Variants in DAGLB observed in about 807,000 individuals in gnomAD.
DAGLB encodes the protein diacylglycerol lipase-beta.
In DAGLB, 66 loss-of-function variants were observed where a neutral mutation model predicts 72.1. That is an observed-to-expected ratio of 0.92 (90% CI 0.75 to 1.12). The LOEUF (loss-of-function observed/expected upper bound fraction) is 1.12. Ranked by LOEUF, DAGLB falls within the 50% of genes most tolerant of loss-of-function variation. The pLI is 0.00. For synonymous variants in DAGLB, 414 were observed against 359.5 expected, an observed-to-expected ratio of 1.15 and a Z score of -1.71; for missense variants, 1,065 against 884.9, an observed-to-expected ratio of 1.20 and a Z score of -2.58.
Position 6,430,736 on chromosome 7 carries a change from C to T in DAGLB, c.802-129G>A, listed in dbSNP as rs949792533. ...TCCTTCGTTGAATAGAACTCTCAGA[C>T]GCCCACAGGCAAAACTGCTCCTTCA... On this transcript the variant is annotated intron_variant, in intron 5 of 14. Coordinates refer to ENST00000297056, the MANE Select transcript of DAGLB (RefSeq NM_139179.4). The T allele has an allele frequency of 4.2e-5, 46 of 1,082,562 alleles. No homozygotes were observed. In the South Asian group the frequency reaches 7.9e-4, roughly 19 times the overall value. The allele number at this position is 1,082,562 out of a possible 1,614,324, so 67.1% of individuals were successfully genotyped here.
chr7:6,435,753 G>A (rs935662541), intron 3 of DAGLB, among the ~76,000 whole-genome samples: 2 of 152,134 alleles, frequency 1.3e-5, no homozygotes, highest in African/African-American at 2.4e-5. Flanking sequence ...ACTGCAAGAC[G>A]CCGGATTGAG....
intron 6 of DAGLB, among the ~76,000 whole-genome samples, 180 bp downstream of exon 6, chr7:6,430,300 A>C (rs1455791140): frequency 4.4e-5 from 4 of 91,906 alleles, no homozygotes; most frequent in African/African-American, 1.7e-4. Context: ...GGAGGGAGGG[A>C]GGGAGAGAGA....
Position 6,424,849 on chromosome 7 carries a change from A to C in DAGLB, c.1057-14T>G. On this transcript the variant is annotated splice_polypyrimidine_tract_variant and intron_variant, in intron 7 of 14. Coordinates refer to ENST00000297056, the MANE Select transcript of DAGLB (RefSeq NM_139179.4). ...CAGCTCGTAAACCTGCAGGAGCAAG[A>C]AACAAGCATGGGGCCTAAACAGTGA... The C allele has an allele frequency of 6.2e-7, 1 of 1,613,198 alleles. No individual in the cohort carries two copies.
In DAGLB at chr7:6,412,747, C is replaced by T. The variant is rs374606875; in HGVS notation, c.1569+64G>A. The T allele has an allele frequency of 3.1e-5, 48 of 1,536,524 alleles. No individual in the cohort carries two copies. In the African/African-American group the frequency reaches 5.9e-4, roughly 19 times the overall value. ...ACTGAGGGTGCAATTCCTCCCGGCT[C>T]TCCACAGGATCTCAGGGACAGGCCC... On this transcript the variant is annotated intron_variant, in intron 13 of 14. Coordinates refer to ENST00000297056, the MANE Select transcript of DAGLB (RefSeq NM_139179.4).
chr7:6,410,068 G>A lies in DAGLB; in HGVS notation c.1821-33C>T, dbSNP rs749727716. 68 of 1,598,596 alleles carry A rather than the reference G, an allele frequency of 4.3e-5. 1 individual carries two copies. The highest frequency in any genetic ancestry group is 3.7e-4 in the South Asian group (33 of 88,062). On this transcript the variant is annotated intron_variant, in intron 14 of 14. Transcript: ENST00000297056. The stretch of plus-strand genomic sequence containing the variant: ...AGAAAAGGAGAGACAGCTCCCACGC[G>A]GCCCCAGGGCTGACCCCGCGCTGCT...
rs1384599498 is a variant in DAGLB, at chr7:6,422,331, G to A, written c.1141-527C>T. Reference sequence around the variant, plus strand: ...TGTTGTGAAAGCAGAGAGGACAGGCGGCGTCCTCCCAACAGGGGCAGCAGG... The same window carrying A: ...TGTTGTGAAAGCAGAGAGGACAGGCAGCGTCCTCCCAACAGGGGCAGCAGG... On this transcript the variant is annotated intron_variant, in intron 8 of 14. Coordinates refer to ENST00000297056, the MANE Select transcript of DAGLB (RefSeq NM_139179.4). 18 of 262,752 alleles carry A rather than the reference G, an allele frequency of 6.9e-5. No individual in the cohort carries two copies. The South Asian group carries it at 6.9e-4, about 10-fold the overall frequency. 16.3% of individuals were successfully genotyped at this position (262,752 alleles called of 1,614,324 possible).
At chr7:6,426,245 A>G (rs1047984971) in intron 6 of DAGLB, 131 bp from the exon 7 acceptor site, 13 of 1,331,210 alleles carry the variant, frequency 9.8e-6, no homozygotes, top group South Asian at 9.4e-5. Context: ...CCTGGCTGAC[A>G]TGGAATGGCT....
At chr7:6,430,709 G>A (rs2115273906) in intron 5 of DAGLB, 102 bp from the exon 6 acceptor site, 2 of 1,270,262 alleles carry the variant, frequency 1.6e-6, no homozygotes. Context: ...GACTCTTCCT[G>A]CTCCTTCGTT....
Position 6,409,565 on chromosome 7 carries a change from C to T in DAGLB, c.*272G>A. On this transcript the variant is annotated 3_prime_UTR_variant, in exon 15 of 15. Coordinates refer to ENST00000297056, the MANE Select transcript of DAGLB (RefSeq NM_139179.4). ...GTCCTCAGACAGCCAAGGGATCCAT[C>T]CACGGGCCAGGGCTTCCCGAGGCTG... 1 of 511,266 alleles carries T rather than the reference C, an allele frequency of 2.0e-6. No individual in the cohort carries two copies. Among genetic ancestry groups the T allele is most frequent in the Non-Finnish European group, 3.5e-6 (1 of 283,138 alleles). 31.7% of individuals were successfully genotyped at this position (511,266 alleles called of 1,614,324 possible).
At chr7:6,446,407 C>G (rs545428033) in intron 1 of DAGLB, among the ~76,000 whole-genome samples, 11 of 120,384 alleles carry the variant, frequency 9.1e-5, no homozygotes, top group African/African-American at 3.1e-4. Flanking sequence ...GAACCTGGGA[C>G]GTGGAGGTGG....
chr7:6,410,427 C>A, intron 13 of DAGLB, 47 bp from the exon 14 acceptor site: 1 of 1,548,288 alleles, frequency 6.5e-7, no homozygotes, highest in South Asian at 1.2e-5. Flanking sequence ...CACCCTCTGT[C>A]ACCCGAGACC....
rs1021395933 is a variant in DAGLB, at chr7:6,416,441, G to A, written c.1427+186C>T. 67 of 759,850 alleles carry A rather than the reference G, an allele frequency of 8.8e-5. No homozygotes were observed. In the African/African-American group the frequency reaches 1.1e-3, roughly 12 times the overall value. 47.1% of individuals were successfully genotyped at this position (759,850 alleles called of 1,614,324 possible). Reference sequence around the variant, plus strand: ...GTCTGTAGTCCCAGCAACTCGGGAGGCTGAGGCAGAAGAACCGCCTGAACC... The same window carrying A: ...GTCTGTAGTCCCAGCAACTCGGGAGACTGAGGCAGAAGAACCGCCTGAACC... On this transcript the variant is annotated intron_variant, in intron 11 of 14. Coordinates refer to ENST00000297056, the MANE Select transcript of DAGLB (RefSeq NM_139179.4).
At chr7:6,440,110 T>C (rs111327208) in intron 2 of DAGLB, among the ~76,000 whole-genome samples, 1 of 146,262 alleles carries the variant, frequency 6.8e-6, no homozygotes, top group African/African-American at 2.5e-5. Flanking sequence ...TTTCCTCAAA[T>C]GCCGGGTGCA....
chr7:6,413,180 G>T, intron 11 of DAGLB, 146 bp from the exon 12 acceptor site: 1 of 832,648 alleles, frequency 1.2e-6, no homozygotes, highest in Non-Finnish European at 1.9e-6. Context: ...TAGGGGAAAC[G>T]TCAGTTATGG....
chr7:6,413,592 T>C (rs1274830869), intron 11 of DAGLB, among the ~76,000 whole-genome samples: 1 of 149,248 alleles, frequency 6.7e-6, no homozygotes, highest in Non-Finnish European at 1.5e-5. Flanking sequence ...ATCGCGCCAC[T>C]GCACTCCAGC....
intron 8 of DAGLB, among the ~76,000 whole-genome samples, chr7:6,423,279 G>T (rs567710772): frequency 1.3e-5 from 2 of 152,138 alleles, no homozygotes; most frequent in African/African-American, 4.8e-5. Flanking sequence ...AACAGACTGG[G>T]GAGATGAGAC....
Position 6,410,324 on chromosome 7 carries a change from G to A in DAGLB, c.1626C>T (p.Asn542=), listed in dbSNP as rs1398715961. The change falls in exon 14 of 15, where the codon AAC becomes AAT. Residue 542 remains asparagine, a synonymous_variant. Coordinates refer to ENST00000297056, the MANE Select transcript of DAGLB (RefSeq NM_139179.4). ...WYELFGGNPN[N]LPTELDGGDQ... ...CGCCCCCGTCCAGCTCCGTGGGCAA[G>A]TTGTTGGGGTTTCCTCCAAACAGTT... is the stretch of plus-strand genomic sequence containing the variant. 2.5e-6 allele frequency: 4 copies of A among 1,614,142 alleles called. No homozygotes were observed. The South Asian group carries it at 4.4e-5, about 18-fold the overall frequency.
chr7:6,421,322 GGCGCAGGCA>G (rs1784113964), intron 9 of DAGLB, among the ~76,000 whole-genome samples: 1 of 125,370 alleles, frequency 8.0e-6, no homozygotes, highest in Non-Finnish European at 1.6e-5. Context: ...CAGCGCGGGA[GGCGCAGGCA>G]GCGCGGGAGG....
rs913629105 is a variant in DAGLB at position 6,418,118 on chromosome 7, C to T, written c.1219-1197G>A. 3.9e-5 allele frequency among the ~76,000 whole-genome samples: 6 copies of T among 152,158 alleles called. No homozygotes were observed. The East Asian group carries it at 7.7e-4, about 20-fold the overall frequency. On this transcript the variant is annotated intron_variant, in intron 9 of 14. Transcript: ENST00000297056. The stretch of plus-strand genomic sequence containing the variant: ...ACTCCTGACCTCGTGATCCACCCGC[C>T]TCAGCCTCCCAAAGTGCTGGGATTA...
Sources: gnomAD v4.1 joint callset for allele counts (sites outside exome capture counted in the v4.1 genomes callset) on GRCh38, gnomAD v4.1.1 for gene constraint, MANE v1.5 for transcripts, NCBI Gene and HGNC (gene_info 2026-07-23, HGNC 2026-07-21) for gene names.